The following EBAG9 variants were observed in gnomAD, a reference collection of about 807,000 sequenced individuals.
The protein encoded by EBAG9 is receptor-binding cancer antigen expressed on SiSo cells.
EBAG9 carries 16 observed loss-of-function variants against 30.9 expected under a neutral mutation model. The ratio of observed to expected loss-of-function variants is 0.52; its 90% CI spans 0.35 to 0.79. The LOEUF (loss-of-function observed/expected upper bound fraction) is 0.79, where lower values mean the gene tolerates loss of function less well. Among genes scored for constraint, EBAG9 ranks in the 30% least tolerant of loss-of-function variants. EBAG9 has a pLI of 0.01. For missense variants in EBAG9, 197 were observed against 242.1 expected (o/e 0.81, Z 1.24); for synonymous variants, 93 against 82.8 (o/e 1.12, Z -0.67).
At chr8:109,564,003 G>A (rs1821764558) in intron 6 of EBAG9, among the ~76,000 whole-genome samples, 1 of 152,028 alleles carries the variant, frequency 6.6e-6, no homozygotes, top group Non-Finnish European at 1.5e-5. Flanking sequence ...CTGGCTGTTT[G>A]TAACTACTAT....
intron 5 of EBAG9, among the ~76,000 whole-genome samples, chr8:109,559,467 A>C (rs903207926): frequency 6.6e-6 from 1 of 152,192 alleles, no homozygotes; most frequent in African/African-American, 2.4e-5. Flanking sequence ...CAAACAAAAC[A>C]AAGTAAAATA....
At position 109,564,489 on chromosome 8, in the gene EBAG9, A is replaced by C. The variant is rs1167979907; in HGVS notation, c.572A>C (p.Lys191Thr). 1 of 1,612,926 alleles carries C rather than the reference A, an allele frequency of 6.2e-7. No individual in the cohort carries two copies. Residue 191 changes from lysine to threonine, a missense_variant, in exon 7 of 7, where the codon AAG becomes ACG. Transcript: ENST00000337573. ...REKRAAEQQR[K>T]KMEKEAQRLM... ...AAGAGAGCAGCCGAACAACAAAGGAAGAAAATGGAAAAGGAAGCACAACGG... is the reference window on the plus strand; with the variant it reads ...AAGAGAGCAGCCGAACAACAAAGGACGAAAATGGAAAAGGAAGCACAACGG...
chr8:109,558,732 A>G (rs1821653723), intron 5 of EBAG9, among the ~76,000 whole-genome samples: 1 of 152,196 alleles, frequency 6.6e-6, no homozygotes, highest in African/African-American at 2.4e-5. Context: ...TTTGTTTTCT[A>G]TACCAAAAAT....
chr8:109,551,841 A>G (rs1325560182), intron 2 of EBAG9, among the ~76,000 whole-genome samples: 2 of 152,184 alleles, frequency 1.3e-5, no homozygotes, highest in East Asian at 1.9e-4. Context: ...AATTTCATTA[A>G]TAAGTTCAGT....
chr8:109,550,720 T>G (rs1195207595), intron 1 of EBAG9, 90 bp from the exon 2 acceptor site: 30 of 697,406 alleles, frequency 4.3e-5, no homozygotes, highest in Non-Finnish European at 5.7e-5. Flanking sequence ...TATCTTAGAT[T>G]TTTCTTAGTG....
intron 2 of EBAG9, among the ~76,000 whole-genome samples, chr8:109,551,620 G>A (rs1821496464): frequency 6.6e-6 from 1 of 152,134 alleles, no homozygotes; most frequent in Non-Finnish European, 1.5e-5. Context: ...ATTAAATCCT[G>A]CAGTATTTTT....
intron 1 of EBAG9, among the ~76,000 whole-genome samples, chr8:109,547,636 A>C (rs1434978962): frequency 6.6e-6 from 1 of 151,996 alleles, no homozygotes; most frequent in Non-Finnish European, 1.5e-5. Flanking sequence ...GCCCGCGACC[A>C]TGCCCGGCTA....
At chr8:109,543,221 A>G (rs1353743166) in intron 1 of EBAG9, among the ~76,000 whole-genome samples, 2 of 130,294 alleles carry the variant, frequency 1.5e-5, no homozygotes, top group East Asian at 2.4e-4. Context: ...CAGGTTAGGC[A>G]TTCAGTAAAT....
chr8:109,552,416 A>G (rs1178420304), intron 2 of EBAG9, among the ~76,000 whole-genome samples: 1 of 152,182 alleles, frequency 6.6e-6, no homozygotes, highest in African/African-American at 2.4e-5. Flanking sequence ...AAGTAGAAAA[A>G]GGAGCAAACT....
chr8:109,562,664 C>T (rs1183310841), intron 6 of EBAG9, among the ~76,000 whole-genome samples: 8 of 151,516 alleles, frequency 5.3e-5, no homozygotes, highest in Non-Finnish European at 1.2e-4. Context: ...GCAGCTATCT[C>T]GTAAGTTGTC....
chr8:109,545,585 G>A (rs967608688), intron 1 of EBAG9, among the ~76,000 whole-genome samples: 1 of 151,850 alleles, frequency 6.6e-6, no homozygotes, highest in Non-Finnish European at 1.5e-5. Flanking sequence ...GGCTGGTCTC[G>A]AACTCCTGAC....
In EBAG9 at chr8:109,565,538, C is replaced by A. The variant is rs1821810243; in HGVS notation, c.*979C>A. On this transcript the variant is annotated 3_prime_UTR_variant, in exon 7 of 7. Coordinates refer to ENST00000337573, the MANE Select transcript of EBAG9 (RefSeq NM_004215.5). ...AAATCATAAAGGTGGGAATAATAAT[C>A]TTTTATTTATGATGTTGATTGGCTC... 1 of 151,956 alleles carries A rather than the reference C, an allele frequency of 6.6e-6. No individual in the cohort carries two copies. The highest frequency in any genetic ancestry group is 1.5e-5 in the Non-Finnish European group (1 of 67,936). The allele number at this position is 151,956 out of a possible 1,614,324, so 9.4% of individuals were successfully genotyped here.
chr8:109,558,699 G>A (rs1162909125), intron 5 of EBAG9, among the ~76,000 whole-genome samples: 2 of 152,088 alleles, frequency 1.3e-5, no homozygotes, highest in Admixed American at 6.6e-5. Flanking sequence ...CATTGCATAG[G>A]AGAGGATGGT....
Position 109,564,618 on chromosome 8 carries a change from C to CAA in EBAG9, c.*60_*61insAA. ...AATCTCAGCTCCACAACCCAAGCAA[C>CAA]ATTTGTATGGATTTAAGAGTATTTT... is the stretch of plus-strand genomic sequence containing the variant. On this transcript the variant is annotated 3_prime_UTR_variant, in exon 7 of 7. Transcript: ENST00000337573. 6.3e-7 allele frequency: 1 copy of CAA among 1,597,484 alleles called. No homozygotes were observed. The highest frequency in any genetic ancestry group is 8.5e-7 in the Non-Finnish European group (1 of 1,171,148).
intron 2 of EBAG9, 122 bp from the exon 3 acceptor site, chr8:109,553,743 A>T: frequency 2.7e-6 from 2 of 728,110 alleles, no homozygotes; most frequent in Non-Finnish European, 4.4e-6. Context: ...TGTTACTAAA[A>T]TCAATAATCA....
At chr8:109,559,559 C>G (rs1821671052) in intron 5 of EBAG9, among the ~76,000 whole-genome samples, 1 of 152,050 alleles carries the variant, frequency 6.6e-6, no homozygotes, top group Admixed American at 6.6e-5. Flanking sequence ...CACTTGTAAT[C>G]CCAGCAATTT....
At chr8:109,559,992 T>C (rs1402208369) in intron 5 of EBAG9, among the ~76,000 whole-genome samples, 1 of 152,208 alleles carries the variant, frequency 6.6e-6, no homozygotes, top group Non-Finnish European at 1.5e-5. Flanking sequence ...GAGTATGGTA[T>C]TACATATATT....
At position 109,565,433 on chromosome 8, in the gene EBAG9, T is replaced by A. The variant is rs1331561603; in HGVS notation, c.*874T>A. 6.6e-6 allele frequency: 1 copy of A among 152,118 alleles called. No homozygotes were observed. Among genetic ancestry groups the A allele is most frequent in the Non-Finnish European group, 1.5e-5 (1 of 67,960 alleles). 9.4% of individuals were successfully genotyped at this position (152,118 alleles called of 1,614,324 possible). On this transcript the variant is annotated 3_prime_UTR_variant, in exon 7 of 7. Coordinates refer to ENST00000337573, the MANE Select transcript of EBAG9 (RefSeq NM_004215.5). ...GGTCAAATATTTCAAAGCCTTTAGATGATTTCTGTACTAGCTTTAGATGTC... is the reference window on the plus strand; with the variant it reads ...GGTCAAATATTTCAAAGCCTTTAGAAGATTTCTGTACTAGCTTTAGATGTC...
At chr8:109,559,322 G>A (rs1157851546) in intron 5 of EBAG9, among the ~76,000 whole-genome samples, 1 of 152,024 alleles carries the variant, frequency 6.6e-6, no homozygotes, top group Non-Finnish European at 1.5e-5. Context: ...TGGGTGTGGT[G>A]GTGCGTGCCT....
Sources: allele counts gnomAD v4.1 joint callset (sites outside exome capture counted in the v4.1 genomes callset), GRCh38; gene constraint gnomAD v4.1.1; transcripts MANE v1.5; gene names NCBI Gene and HGNC (gene_info 2026-07-23, HGNC 2026-07-21).